SYNRG: variants seen among roughly 807,000 people sequenced by gnomAD.
SYNRG encodes the protein synergin gamma, also known as AP1 gamma subunit binding protein 1.
In SYNRG, 37 loss-of-function variants were observed where a neutral mutation model predicts 130.9. The ratio of observed to expected loss-of-function variants is 0.28; its 90% CI spans 0.22 to 0.37. The LOEUF is 0.37. Ranked by LOEUF, SYNRG falls within the 10% of genes least tolerant of loss-of-function variation. The pLI is 1.00. For synonymous variants in SYNRG, 539 were observed against 568.1 expected, an observed-to-expected ratio of 0.95 and a Z score of 0.73; for missense variants, 1,338 against 1,588.9, an observed-to-expected ratio of 0.84 and a Z score of 2.68.
intron 17 of SYNRG, 43 bp downstream of exon 17, chr17:37,539,149 A>G: frequency 6.2e-7 from 1 of 1,607,814 alleles, no homozygotes; most frequent in Non-Finnish European, 8.5e-7. Context: ...AAAGGCACAA[A>G]AGAGCACTCA....
rs540684723 is a variant in SYNRG, at chr17:37,573,720, A to G, written c.902-1733T>C. On this transcript the variant is annotated intron_variant, in intron 8 of 21. Coordinates refer to ENST00000612223, the MANE Select transcript of SYNRG (RefSeq NM_007247.6). Reference sequence around the variant, plus strand: ...AAATGCATTTGAATGAAAACTATAAAACATTAATGCAATAAATTGAAGGGG... The same window carrying G: ...AAATGCATTTGAATGAAAACTATAAGACATTAATGCAATAAATTGAAGGGG... 3.3e-5 allele frequency among the ~76,000 whole-genome samples: 5 copies of G among 152,284 alleles called. No homozygotes were observed. The South Asian group carries it at 8.3e-4, about 25-fold the overall frequency.
At chr17:37,573,487 C>T (rs539342712) in intron 8 of SYNRG, among the ~76,000 whole-genome samples, 2 of 152,022 alleles carry the variant, frequency 1.3e-5, no homozygotes, top group Admixed American at 6.6e-5. Flanking sequence ...AGGAAGAGGG[C>T]GAAAGTAAAG....
At chr17:37,532,670 T>C (rs1260338687) in intron 19 of SYNRG, among the ~76,000 whole-genome samples, 1 of 40,380 alleles carries the variant, frequency 2.5e-5, no homozygotes, top group Non-Finnish European at 4.7e-5. Flanking sequence ...GAGATCTGTC[T>C]CAAAAAAAAA....
chr17:37,519,436 C>T (rs181460945), intron 21 of SYNRG, among the ~76,000 whole-genome samples: 33 of 152,214 alleles, frequency 2.2e-4, no homozygotes, highest in Admixed American at 5.9e-4. Flanking sequence ...CTCCTAAGGC[C>T]GGCATCTGAC....
chr17:37,563,819 A>G (rs1185674095), intron 11 of SYNRG, among the ~76,000 whole-genome samples: 6 of 148,510 alleles, frequency 4.0e-5, no homozygotes, highest in African/African-American at 1.5e-4. Context: ...TACAGGCAAG[A>G]CCCACTGCAC....
intron 6 of SYNRG, among the ~76,000 whole-genome samples, chr17:37,580,498 TGTGTGTGTGTGTGA>T (rs1268194263): frequency 1.5e-5 from 2 of 131,498 alleles, no homozygotes; most frequent in African/African-American, 3.5e-5. Context: ...TGTGTGTGTG[TGTGTGTGTGTGTGA>T]GAGAGAGAGA....
chr17:37,572,667 T>C (rs1261416312), intron 8 of SYNRG, among the ~76,000 whole-genome samples: 2 of 152,168 alleles, frequency 1.3e-5, no homozygotes, highest in African/African-American at 4.8e-5. Flanking sequence ...TATACCAACA[T>C]CACTCTTCTC....
chr17:37,584,569 T>C (rs780779491), intron 6 of SYNRG, 79 bp downstream of exon 6: 1 of 1,121,498 alleles, frequency 8.9e-7, no homozygotes, highest in South Asian at 1.3e-5. Flanking sequence ...CACACACACA[T>C]ATAATGGCGA....
chr17:37,535,917 T>C, intron 19 of SYNRG, 62 bp downstream of exon 19: 2 of 1,600,802 alleles, frequency 1.2e-6, no homozygotes, highest in Non-Finnish European at 1.7e-6. Flanking sequence ...GAATATACAC[T>C]CTGCTTTACA....
intron 13 of SYNRG, among the ~76,000 whole-genome samples, chr17:37,557,517 ATTAAAG>A (rs1434377038): frequency 6.6e-6 from 1 of 152,256 alleles, no homozygotes; most frequent in East Asian, 1.9e-4. Context: ...AAACCTTAGA[ATTAAAG>A]TTAAGATAGG....
intron 19 of SYNRG, among the ~76,000 whole-genome samples, chr17:37,533,518 G>A (rs191589045): frequency 6.6e-6 from 1 of 151,348 alleles, no homozygotes; most frequent in East Asian, 1.9e-4. Flanking sequence ...AAGTGATAAG[G>A]GCTTGAATTA....
chr17:37,551,416 C>T (rs1309773194), intron 14 of SYNRG, among the ~76,000 whole-genome samples: 6 of 152,112 alleles, frequency 3.9e-5, no homozygotes, highest in Admixed American at 6.6e-5. Flanking sequence ...TAAGAATATC[C>T]TCCAACTGAA....
rs1003862074 is a variant in SYNRG, at chr17:37,518,425, T to C, written c.*515A>G. 2 of 153,378 alleles carry C rather than the reference T, an allele frequency of 1.3e-5. No homozygotes were observed. The highest frequency in any genetic ancestry group is 2.4e-5 in the African/African-American group (1 of 41,454). The allele number at this position is 153,378 out of a possible 1,614,324, so 9.5% of individuals were successfully genotyped here. On this transcript the variant is annotated 3_prime_UTR_variant, in exon 22 of 22. Coordinates refer to ENST00000612223, the MANE Select transcript of SYNRG (RefSeq NM_007247.6). ...CCTGCCTGCTACTGTCCAGGGGAGA[T>C]GGGCAGAATCTTCTCCATAAAAAGC...
intron 3 of SYNRG, among the ~76,000 whole-genome samples, chr17:37,594,056 T>C (rs1387335735): frequency 6.6e-6 from 1 of 151,716 alleles, no homozygotes; most frequent in African/African-American, 2.4e-5. Context: ...TTTTTTCTTA[T>C]TGTTCTGCAT....
chr17:37,535,749 A>C (rs532683375), intron 19 of SYNRG, among the ~76,000 whole-genome samples: 1 of 152,336 alleles, frequency 6.6e-6, no homozygotes, highest in Admixed American at 6.5e-5. Context: ...GCCAGAGTGA[A>C]TGTTTTCCTG....
intron 19 of SYNRG, among the ~76,000 whole-genome samples, chr17:37,522,332 TTTTGA>T (rs1369611315): frequency 6.6e-6 from 1 of 151,534 alleles, no homozygotes; most frequent in African/African-American, 2.4e-5. Flanking sequence ...CCAGCTAATT[TTTTGA>T]TTTTTTTGTA....
At chr17:37,576,504 A>G (rs1187157934) in intron 7 of SYNRG, 86 bp from the exon 8 acceptor site, 4 of 1,259,972 alleles carry the variant, frequency 3.2e-6, no homozygotes, top group Non-Finnish European at 4.4e-6. Flanking sequence ...TACAAAGAGC[A>G]CTGGCTGGAG....
At chr17:37,531,321 G>C (rs1449996531) in intron 19 of SYNRG, among the ~76,000 whole-genome samples, 2 of 152,100 alleles carry the variant, frequency 1.3e-5, no homozygotes, top group African/African-American at 4.8e-5. Flanking sequence ...AGTGGGCAAG[G>C]GTAACAAGGG....
At chr17:37,580,478 C>CGTGTGT (rs1341679385) in intron 6 of SYNRG, among the ~76,000 whole-genome samples, 3,269 of 121,806 alleles carry the variant, frequency 0.027, 65 homozygotes, top group Non-Finnish European at 0.035. Context: ...CTTTGTATTT[C>CGTGTGT]GTGTGTGTGT....
Sources: allele counts gnomAD v4.1 joint callset (sites outside exome capture counted in the v4.1 genomes callset), GRCh38; gene constraint gnomAD v4.1.1; transcripts MANE v1.5; gene names NCBI Gene and HGNC (gene_info 2026-07-23, HGNC 2026-07-21).